The following NIBAN2 variants were observed in gnomAD, a reference collection of about 807,000 sequenced individuals.
NIBAN2 encodes protein Niban 2.
A neutral mutation model predicts 81.8 loss-of-function variants in NIBAN2; 36 were observed. That is an observed-to-expected ratio of 0.44 (90% CI 0.34 to 0.58). The LOEUF (loss-of-function observed/expected upper bound fraction) is 0.58. Ranked by LOEUF, NIBAN2 falls within the 20% of genes least tolerant of loss-of-function variation. The probability of loss-of-function intolerance (pLI) is 0.02; values close to 1 mark genes in which losing one functional copy is unlikely to be tolerated. For missense variants in NIBAN2, 897 were observed against 1,014.1 expected (o/e 0.88, Z 1.57); for synonymous variants, 445 against 441.6 (o/e 1.01, Z -0.10).
intron 1 of NIBAN2, among the ~76,000 whole-genome samples, chr9:127,544,272 T>C (rs1837432188): frequency 6.6e-6 from 1 of 152,118 alleles, no homozygotes; most frequent in African/African-American, 2.4e-5. Context: ...TCTGGAGCCA[T>C]GCTTAAAACA....
At chr9:127,567,529 GTCAC>G (rs1837878982) in intron 1 of NIBAN2, among the ~76,000 whole-genome samples, 1 of 152,200 alleles carries the variant, frequency 6.6e-6, no homozygotes, top group Non-Finnish European at 1.5e-5. Context: ...CGGGACCACA[GTCAC>G]TTGGCAGATC....
chr9:127,511,774 T>TC (rs1300205419), intron 8 of NIBAN2, among the ~76,000 whole-genome samples: 1 of 151,990 alleles, frequency 6.6e-6, no homozygotes, highest in Non-Finnish European at 1.5e-5. Flanking sequence ...AATACATATT[T>TC]CCCCAAAGAA....
At chr9:127,552,684 GTTTTTTTTTTTT>G (rs919155330) in intron 1 of NIBAN2, among the ~76,000 whole-genome samples, 1 of 97,974 alleles carries the variant, frequency 1.0e-5, no homozygotes, top group African/African-American at 3.9e-5. Context: ...TGGAATATTC[GTTTTTTTTTTTT>G]TTTTTTTTTT....
At position 127,507,057 on chromosome 9, in the gene NIBAN2, G is replaced by A. The variant is rs1434513278; in HGVS notation, c.2029C>T (p.Pro677Ser). ...PPAGPLLNGA[P>S]AGESPQPKAA... is the part of the protein sequence containing the mutation. ...TTAGGCTGGGGACTCTCCCCAGCGGGGGCCCCGTTGAGCAGGGGGCCGGCT... is the reference window on the plus strand; with the variant it reads ...TTAGGCTGGGGACTCTCCCCAGCGGAGGCCCCGTTGAGCAGGGGGCCGGCT... The change falls in exon 14 of 14, where the codon CCC (proline) becomes TCC (serine). Residue 677 changes from proline to serine, a missense_variant. Pro to Ser is a moderately conservative substitution (Grantham distance 74). Coordinates refer to ENST00000373312, the MANE Select transcript of NIBAN2 (RefSeq NM_022833.4). The surrounding 1 kb of genome is among the most constrained non-coding windows in gnomAD (Gnocchi z 6.8). The A allele has an allele frequency of 2.5e-6, 4 of 1,578,062 alleles. No homozygotes were observed. Among genetic ancestry groups the A allele is most frequent in the Admixed American group, 1.8e-5 (1 of 54,466 alleles).
rs34713108 is a variant in NIBAN2, at chr9:127,565,782, C to CAAAA, written c.55+3034_55+3037dup. ...TGGGACAGAGAGTGAGACTCTGTCT[C>CAAAA]AAAAAAAAAAAAAAAAAAAAAGATG... On this transcript the variant is annotated intron_variant, in intron 1 of 13. Transcript: ENST00000373312. Among the ~76,000 whole-genome samples the CAAAA allele has an allele frequency of 1.6e-3, 112 of 70,854 alleles. 1 individual carries two copies. The highest frequency in any genetic ancestry group is 5.4e-3 in the African/African-American group (91 of 16,746). 46.5% of individuals were successfully genotyped at this position (70,854 alleles called of 152,430 possible).
chr9:127,538,207 A>C (rs1837313634), intron 1 of NIBAN2, among the ~76,000 whole-genome samples: 1 of 152,120 alleles, frequency 6.6e-6, no homozygotes. Flanking sequence ...CCCTGTCTCC[A>C]AGGGCTGCAT....
intron 1 of NIBAN2, among the ~76,000 whole-genome samples, chr9:127,576,103 T>C (rs1324680186): frequency 6.6e-6 from 1 of 152,202 alleles, no homozygotes; most frequent in East Asian, 1.9e-4. Context: ...ATGACATCAC[T>C]AGCGTCAGTC....
chr9:127,507,243 T>C lies in NIBAN2; in HGVS notation c.1843A>G (p.Lys615Glu). 6.2e-7 allele frequency: 1 copy of C among 1,609,890 alleles called. No individual in the cohort carries two copies. Among genetic ancestry groups the C allele is most frequent in the Non-Finnish European group, 8.5e-7 (1 of 1,177,506 alleles). ...STPESATLSEKRRRAKQVVSV... is the reference protein window; with the variant it reads ...STPESATLSEERRRAKQVVSV... ...ACCACCTGCTTGGCGCGCCGTCGCTTTTCCGAGAGGGTGGCTGACTCCGGG... is the reference window on the plus strand; with the variant it reads ...ACCACCTGCTTGGCGCGCCGTCGCTCTTCCGAGAGGGTGGCTGACTCCGGG... The change falls in exon 14 of 14, where the codon AAG (lysine) becomes GAG (glutamate). Residue 615 changes from lysine (K) to glutamate (E), a missense_variant. Lys to Glu is a moderately conservative substitution (Grantham distance 56, BLOSUM62 1). Coordinates refer to ENST00000373312, the MANE Select transcript of NIBAN2 (RefSeq NM_022833.4). This position sits in a 1 kb window ranked among gnomAD's most constrained non-coding sequence, Gnocchi z 6.8.
chr9:127,575,564 C>G (rs984725343), intron 1 of NIBAN2, among the ~76,000 whole-genome samples: 1 of 135,526 alleles, frequency 7.4e-6, no homozygotes, highest in African/African-American at 2.8e-5. Flanking sequence ...GAGTCTTGCT[C>G]TGTCGTCCAG....
chr9:127,565,946 T>TCTCTCTCTCTCA lies in NIBAN2; in HGVS notation c.55+2873_55+2874insTGAGAGAGAGAG, dbSNP rs751937125. Among the ~76,000 whole-genome samples, 56 of 130,608 alleles carry TCTCTCTCTCTCA rather than the reference T, an allele frequency of 4.3e-4. 1 individual carries two copies. Among genetic ancestry groups the TCTCTCTCTCTCA allele is most frequent in the African/African-American group, 1.6e-3 (49 of 31,090 alleles). 85.7% of individuals were successfully genotyped at this position (130,608 alleles called of 152,430 possible). On this transcript the variant is annotated intron_variant, in intron 1 of 13. Coordinates refer to ENST00000373312, the MANE Select transcript of NIBAN2 (RefSeq NM_022833.4). ...GAGACCCTGTCTCTCTCTCTCTCTC[T>TCTCTCTCTCTCA]CACACACACACACACACACACACAC...
rs1837291164 is a variant in NIBAN2 at position 127,536,931 on chromosome 9, C to G, written c.56-5153G>C. On this transcript the variant is annotated intron_variant, in intron 1 of 13. Coordinates refer to ENST00000373312, the MANE Select transcript of NIBAN2 (RefSeq NM_022833.4). The surrounding 1 kb of genome is among the most constrained non-coding windows in gnomAD (Gnocchi z 4.0). ...GGTCCTGGGCCCAGGAACTGGGGGGCTCCAGCTGGTGGTAGAAATCACTCG... is the reference window on the plus strand; with the variant it reads ...GGTCCTGGGCCCAGGAACTGGGGGGGTCCAGCTGGTGGTAGAAATCACTCG... Among the ~76,000 whole-genome samples, 1 of 152,202 alleles carries G rather than the reference C, an allele frequency of 6.6e-6. No individual in the cohort carries two copies. Among genetic ancestry groups the G allele is most frequent in the South Asian group, 2.1e-4 (1 of 4,836 alleles).
chr9:127,534,112 TTG>T (rs1366939064), intron 1 of NIBAN2, among the ~76,000 whole-genome samples: 2 of 152,204 alleles, frequency 1.3e-5, no homozygotes, highest in Non-Finnish European at 2.9e-5. Context: ...CAACTGGGAT[TTG>T]TGCTGGCCCG....
At chr9:127,534,372 C>A (rs186495656) in intron 1 of NIBAN2, among the ~76,000 whole-genome samples, 1 of 152,184 alleles carries the variant, frequency 6.6e-6, no homozygotes, top group Non-Finnish European at 1.5e-5. Flanking sequence ...CCTGTGTTAT[C>A]CCCACTTTAC....
At position 127,525,101 on chromosome 9, in the gene NIBAN2, C is replaced by T. The variant is rs370039420; in HGVS notation, c.378G>A (p.Thr126=). 4.6e-5 allele frequency: 74 copies of T among 1,614,186 alleles called. No individual in the cohort carries two copies. The African/African-American group carries it at 6.4e-4, about 14-fold the overall frequency. The change falls in exon 4 of 14, where the codon ACG becomes ACA. Residue 126 remains threonine (T), a synonymous_variant. Coordinates refer to ENST00000373312, the MANE Select transcript of NIBAN2 (RefSeq NM_022833.4). ...VINSAGYKIL[T]SVDQYLELIG... is the part of the protein sequence containing the mutation. The stretch of plus-strand genomic sequence containing the variant: ...TGAGCTCCAGGTATTGGTCCACGGA[C>T]GTGAGGATTTTGTAGCCTGCACTGT...
intron 1 of NIBAN2, among the ~76,000 whole-genome samples, chr9:127,552,656 T>C (rs1230826516): frequency 6.7e-6 from 1 of 149,976 alleles, no homozygotes; most frequent in Non-Finnish European, 1.5e-5. Context: ...AGTTAAAATA[T>C]AGACTATTGA....
upstream of NIBAN2, chr9:127,569,073 T>TGGCCCCCTC: frequency 9.4e-7 from 1 of 1,060,556 alleles, no homozygotes; most frequent in Non-Finnish European, 1.1e-6. Context: ...CCGGCCGCCT[T>TGGCCCCCTC]GGCCCCCTCC....
At chr9:127,518,417 G>A (rs1836873739) in intron 5 of NIBAN2, among the ~76,000 whole-genome samples, 1 of 152,174 alleles carries the variant, frequency 6.6e-6, no homozygotes, top group South Asian at 2.1e-4. Flanking sequence ...GCTAGATCAG[G>A]GCCCTTCAAA....
upstream of NIBAN2, among the ~76,000 whole-genome samples, chr9:127,571,817 A>T (rs1033607010): frequency 5.9e-5 from 9 of 152,188 alleles, no homozygotes; most frequent in African/African-American, 2.2e-4. Context: ...TTCAAGATTC[A>T]TTCATTTCAC....
At chr9:127,578,354 C>CAA (rs150337961) in intron 1 of NIBAN2, among the ~76,000 whole-genome samples, 21 of 83,526 alleles carry the variant, frequency 2.5e-4, no homozygotes, top group East Asian at 6.8e-4. Flanking sequence ...GACTTGGTCT[C>CAA]AAAAAAAAAA....
Sources: gnomAD v4.1 joint callset for allele counts (sites outside exome capture counted in the v4.1 genomes callset) on GRCh38, gnomAD v4.1.1 for gene constraint, Gnocchi (gnomAD v3.1) non-coding constraint, MANE v1.5 for transcripts, NCBI Gene and HGNC (gene_info 2026-07-23, HGNC 2026-07-21) for gene names.